ITGA3: variants seen among roughly 807,000 people sequenced by gnomAD.
The protein encoded by ITGA3 is integrin subunit alpha 3.
A neutral mutation model predicts 131.1 loss-of-function variants in ITGA3; 70 were observed. The ratio of observed to expected loss-of-function variants is 0.53; its 90% CI spans 0.44 to 0.65. The LOEUF is 0.65. Ranked by LOEUF, ITGA3 falls within the 30% of genes least tolerant of loss-of-function variation. The probability of loss-of-function intolerance (pLI) is 0.00; values close to 1 mark genes in which losing one functional copy is unlikely to be tolerated. For missense variants in ITGA3, 1,098 were observed against 1,388.6 expected (o/e 0.79, Z 3.33); for synonymous variants, 537 against 571.6 (o/e 0.94, Z 0.86).
intron 23 of ITGA3, among the ~76,000 whole-genome samples, chr17:50,082,678 C>A (rs1024432525): frequency 6.6e-6 from 1 of 152,044 alleles, no homozygotes; most frequent in Admixed American, 6.6e-5. Flanking sequence ...ATCAAAATAC[C>A]CAAACCCCCT....
chr17:50,059,857 T>C (rs1318188253), intron 1 of ITGA3, among the ~76,000 whole-genome samples: 1 of 152,116 alleles, frequency 6.6e-6, no homozygotes, highest in Non-Finnish European at 1.5e-5. Context: ...AAAAATGGCC[T>C]TGTTCTTTTT....
intron 7 of ITGA3, among the ~76,000 whole-genome samples, chr17:50,073,626 ACACACACG>A (rs1241159837): frequency 6.2e-4 from 83 of 134,132 alleles, no homozygotes; most frequent in South Asian, 1.8e-3. Context: ...ACACACACAC[ACACACACG>A]CACACACGCA....
intron 14 of ITGA3, 26 bp from the exon 15 acceptor site, chr17:50,076,948 G>T: frequency 6.3e-7 from 1 of 1,588,550 alleles, no homozygotes; most frequent in Non-Finnish European, 8.6e-7. Flanking sequence ...GGGGCTCTTG[G>T]CTGAGTCCTG....
chr17:50,071,266 C>T (rs765496899), intron 5 of ITGA3, 45 bp from the exon 6 acceptor site: 52 of 1,554,106 alleles, frequency 3.3e-5, no homozygotes, highest in Middle Eastern at 3.4e-4. Context: ...TAGAAAGAGA[C>T]GAAGTTGACT....
Position 50,089,492 on chromosome 17 carries a change from GC to G in ITGA3, c.*417del. The G allele has an allele frequency of 1.8e-6, 1 of 561,060 alleles. No individual in the cohort carries two copies. 34.8% of individuals were successfully genotyped at this position (561,060 alleles called of 1,614,324 possible). On this transcript the variant is annotated 3_prime_UTR_variant, in exon 26 of 26. Coordinates refer to ENST00000320031, the MANE Select transcript of ITGA3 (RefSeq NM_002204.4). Reference sequence around the variant, plus strand: ...AACGCCGAGTGCACTGCATTCCTGTGCCCTAGATGCACGTGGGGCCCACTGC... The same window carrying G: ...AACGCCGAGTGCACTGCATTCCTGTGCCTAGATGCACGTGGGGCCCACTGC...
chr17:50,079,379 A>G, intron 20 of ITGA3, 56 bp from the exon 21 acceptor site: 1 of 1,549,794 alleles, frequency 6.5e-7, no homozygotes, highest in Non-Finnish European at 8.7e-7. Context: ...CTTTCCTGCA[A>G]CCCTGCTCCC....
intron 12 of ITGA3, 109 bp downstream of exon 12, chr17:50,075,844 T>C: frequency 3.4e-6 from 4 of 1,167,148 alleles, no homozygotes; most frequent in Non-Finnish European, 4.9e-6. Context: ...GAGACAGAGG[T>C]TGGGGACATC....
At chr17:50,068,949 G>C (rs1192271639) in intron 4 of ITGA3, among the ~76,000 whole-genome samples, 1 of 151,702 alleles carries the variant, frequency 6.6e-6, no homozygotes, top group Admixed American at 6.6e-5. Context: ...CAGGGTTCAC[G>C]CCATTCTCCT....
rs187055597 is a variant in ITGA3 at position 50,081,523 on chromosome 17, C to T, written c.2919+115C>T. 1.1e-3 allele frequency: 850 copies of T among 771,096 alleles called. 2 individuals carry two copies. Among genetic ancestry groups the T allele is most frequent in the East Asian group, 8.2e-3 (300 of 36,760 alleles). The allele number at this position is 771,096 out of a possible 1,614,324, so 47.8% of individuals were successfully genotyped here. ...CATATGGTTCTCAATCTTGGCCACA[C>T]GGTAAGAGTATCTGGAGGAGTTCTG... On this transcript the variant is annotated intron_variant, in intron 23 of 25. Coordinates refer to ENST00000320031, the MANE Select transcript of ITGA3 (RefSeq NM_002204.4).
intron 9 of ITGA3, 64 bp downstream of exon 9, chr17:50,074,344 A>T: frequency 6.2e-7 from 1 of 1,604,566 alleles, no homozygotes; most frequent in Non-Finnish European, 8.5e-7. Flanking sequence ...ACAGATTCCC[A>T]TCTGTGTCCA....
chr17:50,079,015 G>T, intron 19 of ITGA3, 61 bp from the exon 20 acceptor site: 1 of 1,547,848 alleles, frequency 6.5e-7, no homozygotes, highest in East Asian at 2.2e-5. Flanking sequence ...AGGGTTGGGG[G>T]TTGGTAAGAT....
Position 50,064,015 on chromosome 17 carries a change from A to C in ITGA3, c.207-62A>C. The C allele has an allele frequency of 6.3e-7, 1 of 1,583,888 alleles. No individual in the cohort carries two copies. Among genetic ancestry groups the C allele is most frequent in the Non-Finnish European group, 8.6e-7 (1 of 1,164,490 alleles). ...TGTAAATGTATGTTGAATAAATAAC[A>C]AGTTGTTCCAAGTGGGGCTTGGGGA... On this transcript the variant is annotated intron_variant, in intron 1 of 25. Transcript: ENST00000320031. The surrounding 1 kb of genome is among the most constrained non-coding windows in gnomAD (Gnocchi z 4.4).
intron 16 of ITGA3, 175 bp from the exon 17 acceptor site, chr17:50,077,871 A>G: frequency 1.7e-6 from 1 of 590,948 alleles, no homozygotes; most frequent in East Asian, 2.8e-5. Flanking sequence ...GATGGAGAGA[A>G]AGGGGGAAAG....
rs371152701 is a variant in ITGA3, at chr17:50,068,256, C to T, written c.615C>T (p.Phe205=). 1.9e-6 allele frequency: 3 copies of T among 1,613,944 alleles called. No homozygotes were observed. The African/African-American group carries it at 4.0e-5, about 21-fold the overall frequency. Residue 205 remains phenylalanine (F), a synonymous_variant, in exon 4 of 26, where the codon TTC becomes TTT. Transcript: ENST00000320031. ...GCCAGCTGGGCACCAGCGGTGGCTT[C>T]ACCCAGAACACTGTGTACTTCGGCG... ...GMCQLGTSGG[F]TQNTVYFGAP... is the part of the protein sequence containing the mutation.
chr17:50,057,891 C>A (rs142290734), intron 1 of ITGA3, among the ~76,000 whole-genome samples: 42 of 152,358 alleles, frequency 2.8e-4, no homozygotes, highest in African/African-American at 9.4e-4. Context: ...ACCTCAACTC[C>A]ATCTTGCTCT....
rs565473963 is a variant in ITGA3 at position 50,073,901 on chromosome 17, C to A, written c.1157-15C>A. ...AGAGTACCTGGGTGACCCTGTCTTG[C>A]CTTTTCTTCTGCAGATATTGCTGTG... On this transcript the variant is annotated splice_polypyrimidine_tract_variant and intron_variant, in intron 7 of 25. Coordinates refer to ENST00000320031, the MANE Select transcript of ITGA3 (RefSeq NM_002204.4). 2.8e-5 allele frequency: 45 copies of A among 1,609,648 alleles called. No homozygotes were observed. The South Asian group carries it at 4.3e-4, about 15-fold the overall frequency.
At chr17:50,080,501 TGTGTGA>T (rs1567703989) in intron 22 of ITGA3, 126 bp downstream of exon 22, 2 of 529,806 alleles carry the variant, frequency 3.8e-6, no homozygotes, top group South Asian at 2.2e-5. Context: ...TGTGTGTGTG[TGTGTGA>T]TTTGCGTGTC....
At position 50,056,918 on chromosome 17, in the gene ITGA3, T is replaced by G. The variant is rs917022696; in HGVS notation, c.206+273T>G. Reference sequence around the variant, plus strand: ...AGAGCGGAAGTGGGGTCCCGGTGGCTGAGTCCTCTCCCATTCTGTGAACCG... The same window carrying G: ...AGAGCGGAAGTGGGGTCCCGGTGGCGGAGTCCTCTCCCATTCTGTGAACCG... On this transcript the variant is annotated intron_variant, in intron 1 of 25. Coordinates refer to ENST00000320031, the MANE Select transcript of ITGA3 (RefSeq NM_002204.4). The surrounding 1 kb of genome is among the most constrained non-coding windows in gnomAD (Gnocchi z 5.6). Among the ~76,000 whole-genome samples, 1 of 152,154 alleles carries G rather than the reference T, an allele frequency of 6.6e-6. No individual in the cohort carries two copies. Among genetic ancestry groups the G allele is most frequent in the Non-Finnish European group, 1.5e-5 (1 of 68,024 alleles).
chr17:50,068,244 C>G lies in ITGA3; in HGVS notation c.603C>G (p.Thr201=). The G allele has an allele frequency of 1.2e-6, 2 of 1,613,980 alleles. No homozygotes were observed. Among genetic ancestry groups the G allele is most frequent in the Non-Finnish European group, 1.7e-6 (2 of 1,180,038 alleles). The stretch of plus-strand genomic sequence containing the variant: ...AGACGGGCATGTGCCAGCTGGGCAC[C>G]AGCGGTGGCTTCACCCAGAACACTG... ...YLETGMCQLG[T]SGGFTQNTVY... The change falls in exon 4 of 26, where the codon ACC becomes ACG. Residue 201 remains threonine, a synonymous_variant. Transcript: ENST00000320031.
Sources: allele counts gnomAD v4.1 joint callset (sites outside exome capture counted in the v4.1 genomes callset), GRCh38; gene constraint gnomAD v4.1.1; non-coding constraint Gnocchi (gnomAD v3.1); transcripts MANE v1.5; gene names NCBI Gene and HGNC (gene_info 2026-07-23, HGNC 2026-07-21).